Variants in NRXN1 observed in about 807,000 individuals in gnomAD.
The protein encoded by NRXN1 is neurexin 1.
Under a neutral mutation model 150.9 loss-of-function variants are expected in NRXN1, and 39 were observed. That is an observed-to-expected ratio of 0.26 (90% confidence interval 0.20 to 0.34). NRXN1 has a LOEUF of 0.34. Ranked by LOEUF, NRXN1 falls within the 10% of genes least tolerant of loss-of-function variation. NRXN1 has a pLI of 1.00. For missense variants in NRXN1, 1,815 were observed against 1,949.9 expected (o/e 0.93, Z 1.30); for synonymous variants, 924 against 757.0 (o/e 1.22, Z -3.62).
chr2:50,646,387 A>C (rs1684817284), intron 5 of NRXN1, among the ~76,000 whole-genome samples: 1 of 152,034 alleles, frequency 6.6e-6, no homozygotes, highest in African/African-American at 2.4e-5. Context: ...ATACTCTGAA[A>C]TTGGTCAATT....
At chr2:50,476,668 C>T (rs576342825) in intron 15 of NRXN1, among the ~76,000 whole-genome samples, 1 of 152,182 alleles carries the variant, frequency 6.6e-6, no homozygotes, top group Non-Finnish European at 1.5e-5. Context: ...GTTTCTAGCA[C>T]AACTGGAGTG....
chr2:49,930,357 A>G (rs1361456317), intron 22 of NRXN1, among the ~76,000 whole-genome samples: 2 of 152,208 alleles, frequency 1.3e-5, no homozygotes, highest in African/African-American at 4.8e-5. Flanking sequence ...ATGACGGACC[A>G]AGAGTAAATA....
At chr2:50,107,133 C>T (rs41452045) in intron 18 of NRXN1, among the ~76,000 whole-genome samples, 3 of 151,850 alleles carry the variant, frequency 2.0e-5, no homozygotes, top group African/African-American at 4.8e-5. Flanking sequence ...GTGAGCCTTG[C>T]GGCATTCCAC....
chr2:50,874,676 G>A (rs780170914), intron 5 of NRXN1, among the ~76,000 whole-genome samples: 1 of 151,444 alleles, frequency 6.6e-6, no homozygotes, highest in Non-Finnish European at 1.5e-5. Flanking sequence ...CTTCCAACAG[G>A]AGAATTCTTA....
chr2:50,438,130 T>G (rs1023652825), intron 17 of NRXN1, among the ~76,000 whole-genome samples: 1 of 152,128 alleles, frequency 6.6e-6, no homozygotes, highest in Non-Finnish European at 1.5e-5. Flanking sequence ...TCAAAAAAAT[T>G]TTCCCAGGTC....
chr2:50,110,490 TCA>T (rs1491234642), intron 18 of NRXN1, among the ~76,000 whole-genome samples: 3 of 39,556 alleles, frequency 7.6e-5, no homozygotes, highest in Non-Finnish European at 8.7e-5. Flanking sequence ...AGACTCTGTC[TCA>T]AAAAAAAAAA....
At chr2:50,407,081 A>T (rs1373767363) in intron 17 of NRXN1, among the ~76,000 whole-genome samples, 1 of 152,148 alleles carries the variant, frequency 6.6e-6, no homozygotes, top group East Asian at 1.9e-4. Flanking sequence ...AGTAGTAATG[A>T]TATACATTTT....
intron 19 of NRXN1, among the ~76,000 whole-genome samples, chr2:50,067,830 AT>A (rs1695589306): frequency 6.6e-6 from 1 of 152,246 alleles, no homozygotes; most frequent in Admixed American, 6.5e-5. Flanking sequence ...ATGTCATAAC[AT>A]TTAAACCTAT....
chr2:50,398,653 A>G (rs567867663), intron 17 of NRXN1, among the ~76,000 whole-genome samples: 2 of 152,112 alleles, frequency 1.3e-5, no homozygotes, highest in Admixed American at 1.3e-4. Flanking sequence ...AAGTCCAAAA[A>G]CTGTTTCCAT....
At chr2:51,017,205 T>C (rs913958718) in intron 2 of NRXN1, among the ~76,000 whole-genome samples, 1 of 152,012 alleles carries the variant, frequency 6.6e-6, no homozygotes, top group Non-Finnish European at 1.5e-5. Context: ...TATACCTATA[T>C]AACAAACCTA....
At chr2:50,535,473 T>C (rs898553903) in intron 10 of NRXN1, among the ~76,000 whole-genome samples, 1 of 152,230 alleles carries the variant, frequency 6.6e-6, no homozygotes, top group Non-Finnish European at 1.5e-5. Context: ...AGCCAAATTA[T>C]ATTGCTCTGA....
At chr2:50,835,073 G>C (rs899888298) in intron 5 of NRXN1, among the ~76,000 whole-genome samples, 4 of 152,090 alleles carry the variant, frequency 2.6e-5, no homozygotes, top group Admixed American at 2.6e-4. Context: ...GACAACCTCA[G>C]ACAGCCCAGG....
chr2:50,847,042 T>C (rs550851619), intron 5 of NRXN1, among the ~76,000 whole-genome samples: 23 of 152,262 alleles, frequency 1.5e-4, no homozygotes, highest in South Asian at 2.1e-4. Flanking sequence ...GATTCTTCTC[T>C]GTAACCTTTG....
Position 50,015,868 on chromosome 2 carries a change from G to A in NRXN1, c.4128+37403C>T, listed in dbSNP as rs55824599. On this transcript the variant is annotated intron_variant, in intron 21 of 22. Coordinates refer to ENST00000401669, the MANE Select transcript of NRXN1 (RefSeq NM_001330078.2). ...CTCTGCCTTTTCATCTATAAAATGG[G>A]ATAAAACTATCTTGCAGGATTTTGT... Among the ~76,000 whole-genome samples the A allele has an allele frequency of 6.5e-3, 991 of 152,144 alleles. 7 individuals are homozygous for A. The highest frequency in any genetic ancestry group is 0.01 in the Non-Finnish European group (682 of 67,988).
chr2:50,293,635 G>T lies in NRXN1; in HGVS notation c.3365-56665C>A, dbSNP rs1357729816. ...AGGAAGACATGATACACTGGTATAAGTAAAGGAGAAAGGAAGGAGACATAG... is the reference window on the plus strand; with the variant it reads ...AGGAAGACATGATACACTGGTATAATTAAAGGAGAAAGGAAGGAGACATAG... On this transcript the variant is annotated intron_variant, in intron 17 of 22. Coordinates refer to ENST00000401669, the MANE Select transcript of NRXN1 (RefSeq NM_001330078.2). Among the ~76,000 whole-genome samples the T allele has an allele frequency of 3.9e-5, 6 of 152,256 alleles. No individual in the cohort carries two copies. The East Asian group carries it at 1.2e-3, about 30-fold the overall frequency.
At chr2:49,973,928 C>G (rs1283118051) in intron 21 of NRXN1, 3 of 713,894 alleles carry the variant, frequency 4.2e-6, no homozygotes, top group African/African-American at 1.7e-5. Flanking sequence ...TGCTGCAGAT[C>G]TAAGCTGTGC....
intron 18 of NRXN1, among the ~76,000 whole-genome samples, chr2:50,189,301 G>T (rs541790253): frequency 1.3e-5 from 2 of 152,152 alleles, no homozygotes; most frequent in South Asian, 2.1e-4. Flanking sequence ...TCACTCATAA[G>T]TGGGAGTTGA....
chr2:50,255,124 T>C (rs962235791), intron 17 of NRXN1, among the ~76,000 whole-genome samples: 4 of 152,064 alleles, frequency 2.6e-5, no homozygotes, highest in Admixed American at 6.6e-5. Context: ...CATATGTTTA[T>C]AATAACGGTT....
chr2:50,792,137 G>A (rs984461967), intron 5 of NRXN1, among the ~76,000 whole-genome samples: 6 of 152,198 alleles, frequency 3.9e-5, no homozygotes, highest in Non-Finnish European at 5.9e-5. Flanking sequence ...TTAGCTTTGC[G>A]ACTTTGGGTA....
Sources: gnomAD v4.1 joint callset for allele counts (sites outside exome capture counted in the v4.1 genomes callset) on GRCh38, gnomAD v4.1.1 for gene constraint, MANE v1.5 for transcripts, NCBI Gene and HGNC (gene_info 2026-07-23, HGNC 2026-07-21) for gene names.